The following COL11A1 variants were observed in gnomAD, a reference collection of about 807,000 sequenced individuals.
COL11A1 encodes collagen alpha-1(XI) chain.
COL11A1 carries 74 observed loss-of-function variants against 265.2 expected under a neutral mutation model. That is an observed-to-expected ratio of 0.28 (90% CI 0.23 to 0.34). COL11A1 has a LOEUF of 0.34. COL11A1 is among the 10% of genes least tolerant of loss of function. The pLI is 1.00. For missense variants in COL11A1, 2,165 were observed against 2,263.6 expected (o/e 0.96, Z 0.88); for synonymous variants, 816 against 727.6 (o/e 1.12, Z -1.96).
chr1:102,974,848 A>C lies in COL11A1; in HGVS notation c.2790T>G (p.Pro930=). The C allele has an allele frequency of 1.2e-6, 2 of 1,613,690 alleles. No individual in the cohort carries two copies. Among genetic ancestry groups the C allele is most frequent in the Non-Finnish European group, 1.7e-6 (2 of 1,179,656 alleles). The change falls in exon 36 of 67, where the codon CCT becomes CCG. Residue 930 remains proline, a synonymous_variant. Transcript: ENST00000370096. ...PQGPQGPVGF[P]GPKGPPGPPG... ...CACTTACAGGAGGGCCTTTTGGTCCAGGGAATCCAACTGGACCCTGAGGTC... is the reference window on the plus strand; with the variant it reads ...CACTTACAGGAGGGCCTTTTGGTCCCGGGAATCCAACTGGACCCTGAGGTC...
intron 4 of COL11A1, among the ~76,000 whole-genome samples, chr1:103,049,230 G>A (rs1363583798): frequency 1.3e-5 from 2 of 152,164 alleles, no homozygotes; most frequent in Non-Finnish European, 2.9e-5. Context: ...TTGTGTGGGA[G>A]TCTAAGTCTC....
chr1:102,891,194 C>T (rs1316303492), intron 57 of COL11A1, among the ~76,000 whole-genome samples: 1 of 151,980 alleles, frequency 6.6e-6, no homozygotes, highest in Non-Finnish European at 1.5e-5. Context: ...TGGAGAGAGA[C>T]ATATACTACG....
intron 47 of COL11A1, among the ~76,000 whole-genome samples, chr1:102,922,067 A>G (rs1333606970): frequency 6.6e-6 from 1 of 152,184 alleles, no homozygotes; most frequent in Non-Finnish European, 1.5e-5. Context: ...TAAAACAAAG[A>G]TTTTCTCTCC....
intron 3 of COL11A1, 51 bp from the exon 4 acceptor site, chr1:103,074,831 CA>C (rs759468163): frequency 7.5e-6 from 12 of 1,592,112 alleles, no homozygotes; most frequent in Non-Finnish European, 1.0e-5. Flanking sequence ...CAGTGGTTGC[CA>C]AAGCAGTATT....
At chr1:102,933,598 T>G (rs1254847988) in intron 46 of COL11A1, among the ~76,000 whole-genome samples, 2 of 152,222 alleles carry the variant, frequency 1.3e-5, no homozygotes, top group East Asian at 1.9e-4. Context: ...CAGGCCTCCT[T>G]GAGCTGTGGT....
intron 4 of COL11A1, among the ~76,000 whole-genome samples, chr1:103,040,271 C>T (rs1668706700): frequency 6.6e-6 from 1 of 150,608 alleles, no homozygotes; most frequent in South Asian, 2.1e-4. Flanking sequence ...TATATATATT[C>T]CAATTATATA....
intron 41 of COL11A1, 123 bp from the exon 42 acceptor site, chr1:102,947,079 A>G (rs1271489211): frequency 2.3e-6 from 2 of 881,198 alleles, no homozygotes; most frequent in African/African-American, 3.4e-5. Context: ...TAGAGTTTAG[A>G]TAATTTTAAG....
intron 42 of COL11A1, among the ~76,000 whole-genome samples, chr1:102,944,649 G>C (rs2616008): frequency 0.91 from 137,800 of 152,156 alleles, 63,315 homozygotes; most frequent in East Asian, 1. Context: ...CGGTTTCAAT[G>C]TTTTTTGATA....
At chr1:103,057,003 C>T (rs1464199889) in intron 4 of COL11A1, among the ~76,000 whole-genome samples, 4 of 152,126 alleles carry the variant, frequency 2.6e-5, no homozygotes, top group African/African-American at 9.7e-5. Flanking sequence ...TTTGAGGTTG[C>T]TGTATCAATT....
Position 103,012,895 on chromosome 1 carries a change from C to T in COL11A1, c.1573-426G>A, listed in dbSNP as rs74108512. Among the ~76,000 whole-genome samples, 917 of 152,136 alleles carry T rather than the reference C, an allele frequency of 6.0e-3. 18 individuals carry two copies. The highest frequency in any genetic ancestry group is 0.021 in the African/African-American group (891 of 41,526). On this transcript the variant is annotated intron_variant, in intron 13 of 66. Transcript: ENST00000370096. ...AAAAATTATGATAACCAAAGCCAGA[C>T]ACCATAAAACAAAACTGGTCAGGAA...
chr1:103,082,481 A>T (rs1220157298), intron 2 of COL11A1, among the ~76,000 whole-genome samples: 1 of 152,070 alleles, frequency 6.6e-6, no homozygotes, highest in Non-Finnish European at 1.5e-5. Context: ...GAAATAGGCT[A>T]GATATAAAAT....
intron 13 of COL11A1, 71 bp from the exon 14 acceptor site, chr1:103,012,540 G>A: frequency 8.9e-7 from 1 of 1,124,898 alleles, no homozygotes; most frequent in Non-Finnish European, 1.3e-6. Context: ...ATATGAATCT[G>A]CACAAGCTGC....
intron 41 of COL11A1, among the ~76,000 whole-genome samples, chr1:102,957,427 A>G (rs1288045043): frequency 6.6e-6 from 1 of 152,082 alleles, no homozygotes; most frequent in Non-Finnish European, 1.5e-5. Flanking sequence ...GTTCATCAGT[A>G]TCCTGTGCAA....
intron 58 of COL11A1, 38 bp downstream of exon 58, chr1:102,890,413 C>A (rs1483721828): frequency 2.6e-6 from 4 of 1,528,356 alleles, no homozygotes; most frequent in Non-Finnish European, 3.6e-6. Flanking sequence ...TATATAAAAG[C>A]ATATTCTTTT....
At chr1:103,015,458 A>C (rs1450689692) in intron 12 of COL11A1, among the ~76,000 whole-genome samples, 1 of 152,052 alleles carries the variant, frequency 6.6e-6, no homozygotes, top group African/African-American at 2.4e-5. Context: ...AGTGTAATCA[A>C]ATAATGAATT....
intron 28 of COL11A1, 63 bp downstream of exon 28, chr1:102,995,801 G>T: frequency 7.5e-7 from 1 of 1,333,518 alleles, no homozygotes; most frequent in South Asian, 1.2e-5. Flanking sequence ...AATGTCTGTT[G>T]AATAAATTTA....
chr1:102,911,035 A>G (rs1360102758), intron 54 of COL11A1, among the ~76,000 whole-genome samples: 1 of 152,164 alleles, frequency 6.6e-6, no homozygotes. Context: ...GAAAGAGGCA[A>G]TGGATATCAA....
At chr1:103,074,960 A>G (rs1437867778) in intron 3 of COL11A1, among the ~76,000 whole-genome samples, 180 bp from the exon 4 acceptor site, 2 of 152,098 alleles carry the variant, frequency 1.3e-5, no homozygotes, top group Non-Finnish European at 1.5e-5. Context: ...ACCCAACAGT[A>G]CTAGGTACCC....
At chr1:103,011,653 C>T (rs1352007311) in intron 14 of COL11A1, among the ~76,000 whole-genome samples, 1 of 151,862 alleles carries the variant, frequency 6.6e-6, no homozygotes, top group Non-Finnish European at 1.5e-5. Flanking sequence ...ATGTACAATA[C>T]AGATAAGATT....
Sources: allele counts gnomAD v4.1 joint callset (sites outside exome capture counted in the v4.1 genomes callset), GRCh38; gene constraint gnomAD v4.1.1; transcripts MANE v1.5; gene names NCBI Gene and HGNC (gene_info 2026-07-23, HGNC 2026-07-21).